Variants in TMEM196 observed in about 807,000 individuals in gnomAD.
The protein encoded by TMEM196 is transmembrane protein 196.
A neutral mutation model predicts 20.0 loss-of-function variants in TMEM196; 17 were observed. That is an observed-to-expected ratio of 0.85 (90% CI 0.58 to 1.27). The LOEUF is 1.27. Ranked by LOEUF, TMEM196 falls within the 50% of genes most tolerant of loss-of-function variation. The pLI is 0.00. For synonymous variants in TMEM196, 113 were observed against 88.9 expected (o/e 1.27, Z -1.52); for missense variants, 267 against 223.0 (o/e 1.20, Z -1.26).
At chr7:19,765,955 G>C (rs1785610513) in intron 1 of TMEM196, among the ~76,000 whole-genome samples, 1 of 152,144 alleles carries the variant, frequency 6.6e-6, no homozygotes, top group Non-Finnish European at 1.5e-5. Context: ...GTGGACTCTA[G>C]GTCCTAGGGA....
chr7:19,745,362 T>C (rs1784715458), intron 1 of TMEM196, among the ~76,000 whole-genome samples: 1 of 152,114 alleles, frequency 6.6e-6, no homozygotes, highest in South Asian at 2.1e-4. Context: ...AAACACCTTG[T>C]CACAAAATAC....
At chr7:19,756,109 C>T (rs59350285) in intron 1 of TMEM196, among the ~76,000 whole-genome samples, 1,638 of 149,710 alleles carry the variant, frequency 0.011, 31 homozygotes, top group African/African-American at 0.038. Context: ...TGTATTCAGA[C>T]AAAAGCTATG....
intron 1 of TMEM196, among the ~76,000 whole-genome samples, chr7:19,748,263 C>CA (rs57276805): frequency 0.15 from 3,034 of 20,742 alleles, 966 homozygotes; most frequent in African/African-American, 0.28. Flanking sequence ...TGTGGCTGTC[C>CA]AAAAAAAAAA....
intron 1 of TMEM196, among the ~76,000 whole-genome samples, chr7:19,743,161 T>C (rs916968499): frequency 6.6e-6 from 1 of 152,194 alleles, no homozygotes; most frequent in African/African-American, 2.4e-5. Context: ...TTTAAGTTCT[T>C]TAAGCTTTGT....
chr7:19,722,362 C>A (rs1441035333), intron 4 of TMEM196, among the ~76,000 whole-genome samples: 5 of 152,104 alleles, frequency 3.3e-5, no homozygotes, highest in African/African-American at 1.2e-4. Flanking sequence ...CTCTCCACAA[C>A]AACGGTCCAT....
At chr7:19,734,734 C>T (rs1046284999) in intron 1 of TMEM196, among the ~76,000 whole-genome samples, 1 of 152,168 alleles carries the variant, frequency 6.6e-6, no homozygotes, top group African/African-American at 2.4e-5. Context: ...GCCCTAAAGA[C>T]TAATTTTAGA....
chr7:19,749,236 C>A (rs1359677801), intron 1 of TMEM196, among the ~76,000 whole-genome samples: 1 of 152,160 alleles, frequency 6.6e-6, no homozygotes, highest in Non-Finnish European at 1.5e-5. Context: ...AGAGAAGCCA[C>A]CCTTCTTAGA....
chr7:19,725,444 T>C, intron 3 of TMEM196, 70 bp downstream of exon 3: 2 of 1,492,518 alleles, frequency 1.3e-6, no homozygotes, highest in Middle Eastern at 2.1e-4. Context: ...AAGTTTCAAG[T>C]TGATTCACCC....
In TMEM196 at chr7:19,725,760, G is replaced by C. The variant is rs765899667; in HGVS notation, c.213C>G (p.Leu71=). Residue 71 remains leucine, a synonymous_variant, in exon 3 of 5, where the codon CTC becomes CTG. Transcript: ENST00000405844. ...AKKKSGLVMI[L]FSACCICGLI... ...GTCCACAGATACAGCAGGCTGAAAAGAGGATCATCTGATAAGAAAAAGAAA... is the reference window on the plus strand; with the variant it reads ...GTCCACAGATACAGCAGGCTGAAAACAGGATCATCTGATAAGAAAAAGAAA... The C allele has an allele frequency of 1.2e-5, 19 of 1,594,714 alleles. No homozygotes were observed. In the Admixed American group the frequency reaches 1.9e-4, roughly 16 times the overall value.
rs1051931254 is a variant in TMEM196 at position 19,772,615 on chromosome 7, C to T, written c.82G>A (p.Val28Met). The change falls in exon 1 of 5, where the codon GTG becomes ATG. Residue 28 changes from valine to methionine, a missense_variant. Physicochemically the swap from Val to Met is conservative, Grantham distance 21 (BLOSUM62 1). Transcript: ENST00000405844. ...EIGLGVSSVA[V>M]GAVSFSLALR... Reference sequence around the variant, plus strand: ...GCCAGGCTGAAGCTGACCGCCCCCACGGCCACGCTGGACACCCCCAGCCCT... The same window carrying T: ...GCCAGGCTGAAGCTGACCGCCCCCATGGCCACGCTGGACACCCCCAGCCCT... 13 of 1,547,066 alleles carry T rather than the reference C, an allele frequency of 8.4e-6. 1 individual carries two copies. In the South Asian group the frequency reaches 1.2e-4, roughly 14 times the overall value.
intron 1 of TMEM196, among the ~76,000 whole-genome samples, chr7:19,730,685 T>C (rs1270450578): frequency 6.6e-6 from 1 of 152,182 alleles, no homozygotes; most frequent in East Asian, 1.9e-4. Flanking sequence ...CATATCAAAA[T>C]ATACTAAGGA....
chr7:19,753,898 A>G (rs554602647), intron 1 of TMEM196, among the ~76,000 whole-genome samples: 1 of 152,088 alleles, frequency 6.6e-6, no homozygotes, highest in Admixed American at 6.5e-5. Flanking sequence ...TCTCTTTTCA[A>G]GCTCTCTCTA....
At chr7:19,731,715 G>T (rs534754916) in intron 1 of TMEM196, among the ~76,000 whole-genome samples, 3 of 152,300 alleles carry the variant, frequency 2.0e-5, no homozygotes, top group Non-Finnish European at 4.4e-5. Context: ...CAACCATTTG[G>T]TTAGAACATC....
At chr7:19,752,822 T>G (rs1271625123) in intron 1 of TMEM196, among the ~76,000 whole-genome samples, 1 of 151,666 alleles carries the variant, frequency 6.6e-6, no homozygotes, top group Non-Finnish European at 1.5e-5. Context: ...ACCATGTTGG[T>G]CAGGCTGGTC....
intron 1 of TMEM196, among the ~76,000 whole-genome samples, chr7:19,733,398 T>A (rs1451664640): frequency 1.3e-5 from 2 of 152,144 alleles, no homozygotes; most frequent in Non-Finnish European, 2.9e-5. Flanking sequence ...ATGAGATAAC[T>A]TCAATTCAAA....
At chr7:19,729,567 G>A (rs1011978696) in intron 1 of TMEM196, 129 bp from the exon 2 acceptor site, 1 of 786,976 alleles carries the variant, frequency 1.3e-6, no homozygotes, top group Admixed American at 2.8e-5. Flanking sequence ...TCAAAACCTG[G>A]AGAGGATAAG....
At chr7:19,746,494 C>T (rs1398415546) in intron 1 of TMEM196, among the ~76,000 whole-genome samples, 1 of 152,198 alleles carries the variant, frequency 6.6e-6, no homozygotes, top group African/African-American at 2.4e-5. Flanking sequence ...CTATGTAATT[C>T]ATCTTTGATA....
chr7:19,724,424 T>C, intron 3 of TMEM196, 71 bp from the exon 4 acceptor site: 1 of 1,399,816 alleles, frequency 7.1e-7, no homozygotes, highest in Admixed American at 2.0e-5. Flanking sequence ...CAGACTAGTA[T>C]AAAATAAAGC....
intron 1 of TMEM196, among the ~76,000 whole-genome samples, chr7:19,751,445 T>G (rs1784957166): frequency 6.6e-6 from 1 of 152,116 alleles, no homozygotes; most frequent in African/African-American, 2.4e-5. Flanking sequence ...GACTTTGGAG[T>G]CAGACAGACA....
Sources: allele counts gnomAD v4.1 joint callset (sites outside exome capture counted in the v4.1 genomes callset), GRCh38; gene constraint gnomAD v4.1.1; transcripts MANE v1.5; gene names NCBI Gene and HGNC (gene_info 2026-07-23, HGNC 2026-07-21).